The following GNB4 variants were observed in gnomAD, a reference collection of about 807,000 sequenced individuals.
GNB4 encodes the protein guanine nucleotide-binding protein subunit beta-4.
A neutral mutation model predicts 45.2 loss-of-function variants in GNB4; 28 were observed. The ratio of observed to expected loss-of-function variants is 0.62; its 90% confidence interval spans 0.46 to 0.85. The LOEUF (loss-of-function observed/expected upper bound fraction) is 0.85, where lower values mean the gene tolerates loss of function less well. Ranked by LOEUF, GNB4 falls within the 40% of genes least tolerant of loss-of-function variation. The pLI is 0.00. For missense variants in GNB4, 321 were observed against 425.4 expected, an observed-to-expected ratio of 0.75 and a Z score of 2.16; for synonymous variants, 132 against 143.7, an observed-to-expected ratio of 0.92 and a Z score of 0.58.
At chr3:179,411,516 G>C (rs1714652059) in intron 8 of GNB4, among the ~76,000 whole-genome samples, 1 of 148,428 alleles carries the variant, frequency 6.7e-6, no homozygotes, top group Admixed American at 6.7e-5. Context: ...ATTTTAAGTG[G>C]CTGAAAAAAA....
chr3:179,428,970 T>C (rs749837185), intron 1 of GNB4, among the ~76,000 whole-genome samples: 82 of 152,234 alleles, frequency 5.4e-4, no homozygotes, highest in Non-Finnish European at 1.0e-3. Flanking sequence ...GGAGGTACCA[T>C]GAATAGAAAT....
the GNB4 span, among the ~76,000 whole-genome samples, chr3:179,525,869 G>A: frequency 6.6e-6 from 1 of 152,264 alleles, no homozygotes; most frequent in African/African-American, 2.4e-5. Context: ...GACGACCCCA[G>A]TTCACAGGTG....
At chr3:179,432,042 C>G (rs546335046) in intron 1 of GNB4, among the ~76,000 whole-genome samples, 99 of 152,142 alleles carry the variant, frequency 6.5e-4, no homozygotes, top group Non-Finnish European at 1.2e-3. Flanking sequence ...TTCCCTTCAC[C>G]AAGGACTTTT....
the GNB4 span, among the ~76,000 whole-genome samples, chr3:179,489,233 A>G: frequency 1.3e-5 from 2 of 151,570 alleles, no homozygotes; most frequent in Non-Finnish European, 1.5e-5. Context: ...TGGAAAATAA[A>G]ATGCTATGTA....
At chr3:179,495,516 A>G in the GNB4 span, among the ~76,000 whole-genome samples, 1 of 148,202 alleles carries the variant, frequency 6.7e-6, no homozygotes, top group Non-Finnish European at 1.5e-5. Flanking sequence ...AAAGGAAAGG[A>G]AAGGAAAAGA....
chr3:179,451,160 C>A (rs1248010090), intron 1 of GNB4, 186 bp downstream of exon 1: 1 of 151,972 alleles, frequency 6.6e-6, no homozygotes, highest in South Asian at 2.1e-4. Context: ...GCGACACAGG[C>A]GCGCCCTCCT....
chr3:179,498,532 G>T, the GNB4 span, among the ~76,000 whole-genome samples: 3 of 152,154 alleles, frequency 2.0e-5, no homozygotes, highest in Non-Finnish European at 4.4e-5. Flanking sequence ...CACCTTCTGG[G>T]TTCAAGCGAT....
At chr3:179,407,571 G>A (rs990939925) in intron 8 of GNB4, among the ~76,000 whole-genome samples, 6 of 152,194 alleles carry the variant, frequency 3.9e-5, no homozygotes, top group African/African-American at 7.2e-5. Context: ...GAAGAGAAAC[G>A]CAGCTGGAGC....
the GNB4 span, among the ~76,000 whole-genome samples, chr3:179,462,643 A>G: frequency 6.6e-6 from 1 of 152,168 alleles, no homozygotes; most frequent in Admixed American, 6.6e-5. Context: ...GTTGGAGACC[A>G]GCCTGGCCAA....
At chr3:179,464,327 G>A in the GNB4 span, 53 of 673,204 alleles carry the variant, frequency 7.9e-5, no homozygotes, top group Admixed American at 5.6e-4. Flanking sequence ...AGGTCCCGGC[G>A]CAGTCACCGG....
At chr3:179,466,009 T>A in the GNB4 span, among the ~76,000 whole-genome samples, 35 of 11,826 alleles carry the variant, frequency 3.0e-3, no homozygotes, top group South Asian at 0.082. Flanking sequence ...CTCTAGTCGT[T>A]TTTTTTTTTT....
At chr3:179,466,276 G>A in the GNB4 span, among the ~76,000 whole-genome samples, 4 of 152,064 alleles carry the variant, frequency 2.6e-5, no homozygotes, top group Non-Finnish European at 5.9e-5. Context: ...CTCCCAAAAT[G>A]CTAGGATTAC....
At chr3:179,470,338 T>G in the GNB4 span, among the ~76,000 whole-genome samples, 1 of 152,080 alleles carries the variant, frequency 6.6e-6, no homozygotes, top group African/African-American at 2.4e-5. Context: ...TTATTGCCCC[T>G]GAAGCCTTCC....
intron 1 of GNB4, among the ~76,000 whole-genome samples, chr3:179,429,735 T>C (rs536372238): frequency 1.3e-5 from 2 of 152,162 alleles, no homozygotes; most frequent in Non-Finnish European, 2.9e-5. Flanking sequence ...TGGCCAAACA[T>C]TGATTGAGAA....
chr3:179,406,789 A>G (rs1294946903), intron 8 of GNB4, among the ~76,000 whole-genome samples: 1 of 151,784 alleles, frequency 6.6e-6, no homozygotes, highest in Non-Finnish European at 1.5e-5. Context: ...ATTTTTTTGC[A>G]TTTTTAGTAG....
At chr3:179,414,157 C>A (rs13072699) in intron 6 of GNB4, among the ~76,000 whole-genome samples, 1 of 151,830 alleles carries the variant, frequency 6.6e-6, no homozygotes, top group African/African-American at 2.4e-5. Flanking sequence ...CTGGGTGCAC[C>A]GCCTATGAGT....
chr3:179,484,084 A>G, the GNB4 span, among the ~76,000 whole-genome samples: 1 of 152,222 alleles, frequency 6.6e-6, no homozygotes, highest in Non-Finnish European at 1.5e-5. Context: ...GAAAATTTAT[A>G]AAGTACACAT....
At chr3:179,442,536 A>G (rs937005599) in intron 1 of GNB4, among the ~76,000 whole-genome samples, 2 of 152,154 alleles carry the variant, frequency 1.3e-5, no homozygotes, top group East Asian at 1.9e-4. Flanking sequence ...CTTTTCTTAC[A>G]TGACCCACTC....
At chr3:179,494,804 A>C in the GNB4 span, among the ~76,000 whole-genome samples, 1 of 147,758 alleles carries the variant, frequency 6.8e-6, no homozygotes, top group Non-Finnish European at 1.5e-5. Flanking sequence ...GCTACTCGGG[A>C]GGCTGAGGCA....
Sources: gnomAD v4.1 joint callset for allele counts (sites outside exome capture counted in the v4.1 genomes callset) on GRCh38, gnomAD v4.1.1 for gene constraint, MANE v1.5 for transcripts, NCBI Gene and HGNC (gene_info 2026-07-23, HGNC 2026-07-21) for gene names.